Variants in SDK1 observed in about 807,000 individuals in gnomAD.
SDK1 encodes the protein protein sidekick-1.
A neutral mutation model predicts 245.5 loss-of-function variants in SDK1; 157 were observed. The ratio of observed to expected loss-of-function variants is 0.64; its 90% CI spans 0.56 to 0.73. The LOEUF is 0.73. Among genes scored for constraint, SDK1 ranks in the 30% least tolerant of loss-of-function variants. The probability of loss-of-function intolerance (pLI) is 0.00; values close to 1 mark genes in which losing one functional copy is unlikely to be tolerated. For synonymous variants in SDK1, 1,647 were observed against 1,278.5 expected (o/e 1.29, Z -6.15); for missense variants, 3,583 against 3,002.3 (o/e 1.19, Z -4.52).
At chr7:3,403,312 C>G (rs975539888) in intron 1 of SDK1, among the ~76,000 whole-genome samples, 1 of 152,054 alleles carries the variant, frequency 6.6e-6, no homozygotes, top group African/African-American at 2.4e-5. Context: ...AATTTCATTT[C>G]ATTTTACCCA....
intron 4 of SDK1, among the ~76,000 whole-genome samples, chr7:3,692,942 C>T (rs1438170931): frequency 6.6e-6 from 1 of 151,834 alleles, no homozygotes; most frequent in Non-Finnish European, 1.5e-5. Context: ...TTAATATTTT[C>T]ATTTATATAT....
intron 6 of SDK1, 138 bp downstream of exon 6, chr7:3,951,172 A>G: frequency 1.5e-6 from 1 of 662,902 alleles, no homozygotes; most frequent in Non-Finnish European, 2.7e-6. Flanking sequence ...GGCCATGAAT[A>G]CGAGATATGG....
At chr7:3,694,540 C>T (rs1374067780) in intron 4 of SDK1, among the ~76,000 whole-genome samples, 1 of 150,228 alleles carries the variant, frequency 6.7e-6, no homozygotes, top group East Asian at 2.0e-4. Context: ...TTACCTCTGG[C>T]ACTTACATTG....
chr7:3,523,303 C>CTAGG (rs1783006361), intron 1 of SDK1, among the ~76,000 whole-genome samples: 1 of 152,114 alleles, frequency 6.6e-6, no homozygotes, highest in Admixed American at 6.6e-5. Context: ...GGGAAGTGTG[C>CTAGG]TAGGGACTGC....
At chr7:3,877,157 A>G (rs767992248) in intron 5 of SDK1, among the ~76,000 whole-genome samples, 34 of 152,176 alleles carry the variant, frequency 2.2e-4, no homozygotes, top group Non-Finnish European at 4.6e-4. Flanking sequence ...GGAATGAATA[A>G]ACAACTCATC....
At chr7:3,868,783 G>T (rs963707281) in intron 5 of SDK1, among the ~76,000 whole-genome samples, 1 of 152,150 alleles carries the variant, frequency 6.6e-6, no homozygotes, top group East Asian at 1.9e-4. Context: ...TGCACACATA[G>T]GTCCCTGTTC....
intron 40 of SDK1, among the ~76,000 whole-genome samples, chr7:4,231,179 A>G (rs1024095448): frequency 2.6e-5 from 4 of 152,200 alleles, no homozygotes; most frequent in Admixed American, 6.5e-5. Context: ...GCATCCTAGG[A>G]GAAAGAAGGT....
rs149073286 is a variant in SDK1, at chr7:4,001,025, C to G, written c.2132-9941C>G. Among the ~76,000 whole-genome samples, 3 of 152,274 alleles carry G rather than the reference C, an allele frequency of 2.0e-5. No homozygotes were observed. The East Asian group carries it at 5.8e-4, about 29-fold the overall frequency. ...CCAAGACGAGATGGGGGTCAGAGAG[C>G]CCAGGGTGGCTCCCACATCCTTGGT... is the stretch of plus-strand genomic sequence containing the variant. On this transcript the variant is annotated intron_variant, in intron 14 of 44. Coordinates refer to ENST00000404826, the MANE Select transcript of SDK1 (RefSeq NM_152744.4).
intron 13 of SDK1, among the ~76,000 whole-genome samples, chr7:3,977,331 T>A (rs12701331): frequency 2.9e-5 from 1 of 34,164 alleles, no homozygotes. Context: ...ACGCAGAGGG[T>A]CCTCCAGAGA....
intron 1 of SDK1, among the ~76,000 whole-genome samples, chr7:3,467,156 A>T (rs1012618328): frequency 1.3e-5 from 2 of 152,156 alleles, no homozygotes; most frequent in African/African-American, 4.8e-5. Flanking sequence ...TCATGGGGAA[A>T]GTATTTTTAT....
intron 13 of SDK1, among the ~76,000 whole-genome samples, chr7:3,978,300 G>T (rs1783129532): frequency 6.6e-6 from 1 of 152,100 alleles, no homozygotes; most frequent in South Asian, 2.1e-4. Flanking sequence ...ATTCTGCACA[G>T]TTTTATGGTC....
intron 1 of SDK1, among the ~76,000 whole-genome samples, chr7:3,340,505 G>A (rs1780317925): frequency 6.6e-6 from 1 of 152,160 alleles, no homozygotes; most frequent in Non-Finnish European, 1.5e-5. Flanking sequence ...GCTCACGCCT[G>A]TAATCCCAGC....
At chr7:3,640,369 T>A (rs547564126) in intron 3 of SDK1, among the ~76,000 whole-genome samples, 1 of 152,338 alleles carries the variant, frequency 6.6e-6, no homozygotes, top group Admixed American at 6.5e-5. Context: ...TGTGAGTAGA[T>A]GAAATAAAAT....
At chr7:3,335,882 C>T (rs972718160) in intron 1 of SDK1, among the ~76,000 whole-genome samples, 1 of 152,108 alleles carries the variant, frequency 6.6e-6, no homozygotes, top group African/African-American at 2.4e-5. Flanking sequence ...ACTCAAAATC[C>T]CTGGACTTCA....
intron 1 of SDK1, among the ~76,000 whole-genome samples, chr7:3,474,998 A>C (rs181907059): frequency 4.3e-4 from 65 of 152,208 alleles, no homozygotes; most frequent in Admixed American, 4.0e-3. Context: ...GCCCTGACCC[A>C]TTGTATCATC....
At chr7:4,135,596 C>T (rs150236563) in intron 28 of SDK1, among the ~76,000 whole-genome samples, 64 of 152,300 alleles carry the variant, frequency 4.2e-4, no homozygotes, top group African/African-American at 1.4e-3. Context: ...GCCTGGGTAA[C>T]GTTTTGGACT....
chr7:3,659,085 A>G (rs1005117358), intron 4 of SDK1, among the ~76,000 whole-genome samples: 3 of 152,156 alleles, frequency 2.0e-5, no homozygotes, highest in African/African-American at 7.2e-5. Flanking sequence ...ACCTTTTGAC[A>G]CCTTAAATAG....
intron 35 of SDK1, among the ~76,000 whole-genome samples, chr7:4,204,107 G>C (rs1261117028): frequency 1.3e-5 from 2 of 152,256 alleles, no homozygotes; most frequent in African/African-American, 2.4e-5. Context: ...GCTGTCGCGG[G>C]GGGAGGGCGA....
intron 1 of SDK1, among the ~76,000 whole-genome samples, chr7:3,613,437 T>C (rs76773468): frequency 0.03 from 4,533 of 152,274 alleles, 196 homozygotes; most frequent in African/African-American, 0.097. Context: ...TAAGCCTTCC[T>C]TTTTCTCCAC....
Sources: allele counts gnomAD v4.1 joint callset (sites outside exome capture counted in the v4.1 genomes callset), GRCh38; gene constraint gnomAD v4.1.1; transcripts MANE v1.5; gene names NCBI Gene and HGNC (gene_info 2026-07-23, HGNC 2026-07-21).